Variants in TOP1 observed in about 807,000 individuals in gnomAD.
TOP1 encodes the protein DNA topoisomerase 1.
In TOP1, 10 loss-of-function variants were observed where a neutral mutation model predicts 111.1. The ratio of observed to expected loss-of-function variants is 0.09; its 90% CI spans 0.06 to 0.15. The LOEUF (loss-of-function observed/expected upper bound fraction) is 0.15, where lower values mean the gene tolerates loss of function less well. TOP1 is among the 10% of genes least tolerant of loss of function. The probability of loss-of-function intolerance (pLI) is 1.00; values close to 1 mark genes in which losing one functional copy is unlikely to be tolerated. For synonymous variants in TOP1, 271 were observed against 302.9 expected (o/e 0.89, Z 1.10); for missense variants, 474 against 926.7 (o/e 0.51, Z 6.34).
rs2145970537 is a variant in TOP1 at position 41,118,363 on chromosome 20, A to G, written c.1950+67A>G. The G allele has an allele frequency of 1.0e-5, 16 of 1,586,764 alleles. No homozygotes were observed. The South Asian group carries it at 1.7e-4, about 17-fold the overall frequency. On this transcript the variant is annotated intron_variant, in intron 18 of 20. Coordinates refer to ENST00000361337, the MANE Select transcript of TOP1 (RefSeq NM_003286.4). The surrounding 1 kb of genome is among the most constrained non-coding windows in gnomAD (Gnocchi z 4.6). ...AGATTATCTGCGAATGAGAGGATTC[A>G]GGGCTGAGATATCAGCAGGCCAGTG...
chr20:41,059,375 T>C (rs1358212823), intron 2 of TOP1, among the ~76,000 whole-genome samples: 1 of 150,326 alleles, frequency 6.7e-6, no homozygotes, highest in Admixed American at 6.6e-5. Flanking sequence ...TAGAAAAAAA[T>C]GAACACTGGC....
In TOP1 at chr20:41,100,886, G is replaced by A. The variant is rs2034053316; in HGVS notation, c.1164-323G>A. 1 of 222,640 alleles carries A rather than the reference G, an allele frequency of 4.5e-6. No homozygotes were observed. Among genetic ancestry groups the A allele is most frequent in the East Asian group, 9.0e-5 (1 of 11,060 alleles). The allele number at this position is 222,640 out of a possible 1,614,324, so 13.8% of individuals were successfully genotyped here. On this transcript the variant is annotated intron_variant, in intron 12 of 20. Coordinates refer to ENST00000361337, the MANE Select transcript of TOP1 (RefSeq NM_003286.4). The surrounding 1 kb of genome is among the most constrained non-coding windows in gnomAD (Gnocchi z 4.4). ...TAAGGCAGCTACTAGGTTACCCATG[G>A]GCAAGTGACATATACAGCATGGTAT...
rs1174642875 is a variant in TOP1, at chr20:41,092,913, A to C, written c.730+326A>C. ...TAGGGAGCAACTCTTCGCAAGAGTT[A>C]TTAGAAAAGCCTCACTTGAATGGTA... On this transcript the variant is annotated intron_variant, in intron 9 of 20. Coordinates refer to ENST00000361337, the MANE Select transcript of TOP1 (RefSeq NM_003286.4). This position sits in a 1 kb window ranked among gnomAD's most constrained non-coding sequence, Gnocchi z 4.3. 6.6e-6 allele frequency among the ~76,000 whole-genome samples: 1 copy of C among 151,836 alleles called. No individual in the cohort carries two copies. The highest frequency in any genetic ancestry group is 2.4e-5 in the African/African-American group (1 of 41,096).
At chr20:41,057,308 G>A (rs1231851569) in intron 2 of TOP1, among the ~76,000 whole-genome samples, 1 of 150,472 alleles carries the variant, frequency 6.6e-6, no homozygotes, top group Admixed American at 6.6e-5. Flanking sequence ...CTTGAACCCG[G>A]GAGGCTGAGG....
rs2034059551 is a variant in TOP1, at chr20:41,101,234, C to T, written c.1189C>T (p.Pro397Ser). Residue 397 changes from proline (P) to serine (S), a missense_variant, in exon 13 of 21, where the codon CCA becomes TCA. Pro to Ser is a moderately conservative substitution (Grantham distance 74). This residue lies in a region of TOP1 where 22 missense variants were observed against 30.4 expected (regional missense o/e 0.72). Transcript: ENST00000361337. This position sits in a 1 kb window ranked among gnomAD's most constrained non-coding sequence, Gnocchi z 4.1. ...SKDAKVPSPP[P>S]GHKWKEVRHD... ...AGATGCCAAGGTTCCTTCTCCTCCT[C>T]CAGGACATAAGTGGAAAGAAGTCCG... 6.2e-7 allele frequency: 1 copy of T among 1,614,112 alleles called. No individual in the cohort carries two copies. The highest frequency in any genetic ancestry group is 1.3e-5 in the African/African-American group (1 of 75,062).
rs754971863 is a variant in TOP1, at chr20:41,047,083, C to A, written c.59-14311C>A. Among the ~76,000 whole-genome samples the A allele has an allele frequency of 2.4e-4, 37 of 152,142 alleles. 1 individual carries two copies. Among genetic ancestry groups the A allele is most frequent in the Admixed American group, 4.6e-4 (7 of 15,270 alleles). Reference sequence around the variant, plus strand: ...CAGGGAGGATATTCTTCATTTAGACCCTGAGCTTGAGTAAGACACCTTTCT... The same window carrying A: ...CAGGGAGGATATTCTTCATTTAGACACTGAGCTTGAGTAAGACACCTTTCT... On this transcript the variant is annotated intron_variant, in intron 2 of 20. Coordinates refer to ENST00000361337, the MANE Select transcript of TOP1 (RefSeq NM_003286.4).
At chr20:41,090,346 T>C (rs2033904960) in intron 8 of TOP1, among the ~76,000 whole-genome samples, 1 of 152,158 alleles carries the variant, frequency 6.6e-6, no homozygotes, top group Admixed American at 6.5e-5. Context: ...TTTTTTTAAT[T>C]GGGTTGTTTA....
intron 9 of TOP1, among the ~76,000 whole-genome samples, chr20:41,096,329 A>G (rs2033982171): frequency 6.6e-6 from 1 of 152,090 alleles, no homozygotes; most frequent in African/African-American, 2.4e-5. Flanking sequence ...CAGCCTCCCA[A>G]AGTGCTGGGA....
intron 2 of TOP1, among the ~76,000 whole-genome samples, chr20:41,039,906 CA>C (rs1326841554): frequency 6.2e-5 from 9 of 144,886 alleles, no homozygotes; most frequent in Non-Finnish European, 7.6e-5. Flanking sequence ...GACTCCATCT[CA>C]AAAAAAAAAG....
At chr20:41,051,495 G>A (rs2033405076) in intron 2 of TOP1, among the ~76,000 whole-genome samples, 1 of 152,170 alleles carries the variant, frequency 6.6e-6, no homozygotes, top group Admixed American at 6.5e-5. Context: ...AAGAGTAAAT[G>A]TTTTTGCTTG....
In TOP1 at chr20:41,029,858, T is replaced by G. The variant is rs898908474; in HGVS notation, c.58+403T>G. The G allele has an allele frequency of 3.2e-4, 79 of 247,754 alleles. No individual in the cohort carries two copies. The highest frequency in any genetic ancestry group is 6.2e-4 in the Non-Finnish European group (77 of 123,624). 15.3% of individuals were successfully genotyped at this position (247,754 alleles called of 1,614,324 possible). On this transcript the variant is annotated intron_variant, in intron 2 of 20. Transcript: ENST00000361337. The surrounding 1 kb of genome is among the most constrained non-coding windows in gnomAD (Gnocchi z 6.1). Reference sequence around the variant, plus strand: ...GGCTCTTTCCTTGAGCTGCCCAGAATGAGCTTTCTGCAGAGCAAAGCCGTA... The same window carrying G: ...GGCTCTTTCCTTGAGCTGCCCAGAAGGAGCTTTCTGCAGAGCAAAGCCGTA...
rs1398703328 is a variant in TOP1 at position 41,100,508 on chromosome 20, C to T, written c.1163+265C>T. ...TGGAACACATTTCTGTTGATGTCTT[C>T]CACCCCCAAATTTAATGTCTTTTCC... On this transcript the variant is annotated intron_variant, in intron 12 of 20. Transcript: ENST00000361337. The surrounding 1 kb of genome is among the most constrained non-coding windows in gnomAD (Gnocchi z 4.4). 2.9e-6 allele frequency: 1 copy of T among 344,218 alleles called. No homozygotes were observed. The highest frequency in any genetic ancestry group is 5.3e-6 in the Non-Finnish European group (1 of 190,168). 21.3% of individuals were successfully genotyped at this position (344,218 alleles called of 1,614,324 possible).
intron 2 of TOP1, among the ~76,000 whole-genome samples, chr20:41,033,347 CAAAAAA>C (rs34731706): frequency 3.0e-5 from 3 of 100,886 alleles, no homozygotes; most frequent in African/African-American, 3.8e-5. Context: ...CCAATAGCAG[CAAAAAA>C]AAAAAAAAAA....
chr20:41,044,136 C>T (rs937786821), intron 2 of TOP1, among the ~76,000 whole-genome samples: 9 of 152,116 alleles, frequency 5.9e-5, no homozygotes, highest in Non-Finnish European at 1.0e-4. Context: ...ATTAGCCAGG[C>T]GTGGTGGCAG....
Position 41,114,093 on chromosome 20 carries a change from G to A in TOP1, c.1576G>A (p.Glu526Lys). 6.2e-7 allele frequency: 1 copy of A among 1,614,230 alleles called. No individual in the cohort carries two copies. The highest frequency in any genetic ancestry group is 8.5e-7 in the Non-Finnish European group (1 of 1,180,036). ...PELDGQEYVV[E>K]FDFLGKDSIR... ...GTTGGATGGTCAGGAATATGTGGTA[G>A]AGTTTGACTTCCTCGGGAAGGACTC... The change falls in exon 15 of 21, where the codon GAG becomes AAG. Residue 526 changes from glutamate (E) to lysine (K), a missense_variant. Physicochemically the swap from Glu to Lys is moderately conservative, Grantham distance 56. This residue lies in a region of TOP1 where 18 missense variants were observed against 16.4 expected (regional missense o/e 1.10). Transcript: ENST00000361337. This position sits in a 1 kb window ranked among gnomAD's most constrained non-coding sequence, Gnocchi z 4.5.
In TOP1 at chr20:41,118,137, A is replaced by T. The variant is rs2034363755; in HGVS notation, c.1823-32A>T. ...GTGTTCACTTTTGGTGTACAAACTG[A>T]CCCTCTTGCTACCATGTTCCTTTCT... is the stretch of plus-strand genomic sequence containing the variant. On this transcript the variant is annotated intron_variant, in intron 17 of 20. Transcript: ENST00000361337. The surrounding 1 kb of genome is among the most constrained non-coding windows in gnomAD (Gnocchi z 4.6). 6.2e-7 allele frequency: 1 copy of T among 1,606,562 alleles called. No individual in the cohort carries two copies. The highest frequency in any genetic ancestry group is 8.5e-7 in the Non-Finnish European group (1 of 1,174,696).
rs1316906747 is a variant in TOP1, at chr20:41,061,466, G to T, written c.131G>T (p.Arg44Leu). 6.2e-7 allele frequency: 1 copy of T among 1,608,158 alleles called. No homozygotes were observed. The highest frequency in any genetic ancestry group is 8.5e-7 in the Non-Finnish European group (1 of 1,176,664). Residue 44 changes from arginine to leucine, a missense_variant, in exon 3 of 21, where the codon CGG (arginine) becomes CTG (leucine). Physicochemically the swap from Arg to Leu is moderately radical, Grantham distance 102. Around this residue, in one of 14 missense-constraint regions of TOP1, gnomAD observed 185 missense variants for 226.3 expected, o/e 0.82. Coordinates refer to ENST00000361337, the MANE Select transcript of TOP1 (RefSeq NM_003286.4). The surrounding 1 kb of genome is among the most constrained non-coding windows in gnomAD (Gnocchi z 4.6). ...AAAGAACACAAGAAGGAGAAGGACC[G>T]GGAAAAGTCCAAGCATAGCAACAGG... ...RHKEHKKEKD[R>L]EKSKHSNSEH...
rs372445108 is a variant in TOP1, at chr20:41,116,213, C to G, written c.1708-65C>G. 9.7e-5 allele frequency: 103 copies of G among 1,057,428 alleles called. No homozygotes were observed. In the African/African-American group the frequency reaches 1.5e-3, roughly 15 times the overall value. 65.5% of individuals were successfully genotyped at this position (1,057,428 alleles called of 1,614,324 possible). A position where few individuals can be genotyped will look rare whatever the true frequency, so the allele number is the denominator to read the frequency against. On this transcript the variant is annotated intron_variant, in intron 16 of 20. Transcript: ENST00000361337. The surrounding 1 kb of genome is among the most constrained non-coding windows in gnomAD (Gnocchi z 5.6). ...GTGACTGCACTGGCATAAATTACTC[C>G]TAGGGCTGCCAGAAGGAGCAGGTAG... is the stretch of plus-strand genomic sequence containing the variant.
rs2033336751 is a variant in TOP1, at chr20:41,046,535, C to T, written c.59-14859C>T. 6.6e-6 allele frequency among the ~76,000 whole-genome samples: 1 copy of T among 152,226 alleles called. No homozygotes were observed. The highest frequency in any genetic ancestry group is 2.1e-4 in the South Asian group (1 of 4,834). On this transcript the variant is annotated intron_variant, in intron 2 of 20. Coordinates refer to ENST00000361337, the MANE Select transcript of TOP1 (RefSeq NM_003286.4). The surrounding 1 kb of genome is among the most constrained non-coding windows in gnomAD (Gnocchi z 4.3). ...AACAGACTAAATGCAGGCTCTGCTG[C>T]ACTTTAATGTAATTCTTTCCCTATT...
Sources: allele counts gnomAD v4.1 joint callset (sites outside exome capture counted in the v4.1 genomes callset), GRCh38; gene constraint gnomAD v4.1.1; regional missense constraint gnomAD v4.1.1; non-coding constraint Gnocchi (gnomAD v3.1); transcripts MANE v1.5; gene names NCBI Gene and HGNC (gene_info 2026-07-23, HGNC 2026-07-21).